Variants in KLHL11 observed in about 807,000 individuals in gnomAD.
The protein encoded by KLHL11 is kelch like family member 11.
KLHL11 carries 26 observed loss-of-function variants against 56.1 expected under a neutral mutation model. The ratio of observed to expected loss-of-function variants is 0.46; its 90% CI spans 0.34 to 0.64. The LOEUF is 0.64. Ranked by LOEUF, KLHL11 falls within the 30% of genes least tolerant of loss-of-function variation. KLHL11 has a pLI of 0.01. For missense variants in KLHL11, 627 were observed against 919.4 expected, an observed-to-expected ratio of 0.68 and a Z score of 4.11; for synonymous variants, 338 against 345.8, an observed-to-expected ratio of 0.98 and a Z score of 0.25.
Position 41,854,079 on chromosome 17 carries a change from G to A in KLHL11, c.1788C>T (p.Val596=), listed in dbSNP as rs142556293. The part of the protein sequence containing the change: ...DEILESLPPE[V]LSIEGAAICY... ...AAATGGCTGCTCCTTCGATGCTTAG[G>A]ACTTCTGGAGGCAAGCTTTCAAGGA... is the stretch of plus-strand genomic sequence containing the variant. Residue 596 remains valine, a synonymous_variant, in exon 2 of 2, where the codon GTC becomes GTT. Transcript: ENST00000319121. This position sits in a 1 kb window ranked among gnomAD's most constrained non-coding sequence, Gnocchi z 4.9. The A allele has an allele frequency of 7.1e-4, 1,146 of 1,614,180 alleles. No homozygotes were observed. Among genetic ancestry groups the A allele is most frequent in the Admixed American group, 1.6e-3 (96 of 60,018 alleles).
intron 1 of KLHL11, among the ~76,000 whole-genome samples, chr17:41,856,092 G>A (rs571999856): frequency 6.2e-4 from 94 of 151,814 alleles, no homozygotes; most frequent in African/African-American, 2.2e-3. Context: ...CCAGGCTCAT[G>A]CAATTCTCCT....
rs2048333118 is a variant in KLHL11 at position 41,851,734 on chromosome 17, C to T, written c.*2006G>A. On this transcript the variant is annotated 3_prime_UTR_variant, in exon 2 of 2. Transcript: ENST00000319121. ...CAGCCTCGGCAACATGGAGAAACCC[C>T]ATCTCTACCAAAAATACAAAAAAAA... Among the ~76,000 whole-genome samples the T allele has an allele frequency of 6.6e-6, 1 of 151,532 alleles. No individual in the cohort carries two copies. The highest frequency in any genetic ancestry group is 2.4e-5 in the African/African-American group (1 of 41,232).
rs1450923617 is a variant in KLHL11 at position 41,853,176 on chromosome 17, A to G, written c.*564T>C. 6.6e-6 allele frequency among the ~76,000 whole-genome samples: 1 copy of G among 152,246 alleles called. No individual in the cohort carries two copies. The highest frequency in any genetic ancestry group is 1.5e-5 in the Non-Finnish European group (1 of 68,044). On this transcript the variant is annotated 3_prime_UTR_variant, in exon 2 of 2. Transcript: ENST00000319121. ...TTCTCATCAGTCACATCTTCTAGGA[A>G]GGAAACTGGCATTTCTAGATAAACA...
At chr17:41,861,103 A>T (rs1327708241) in intron 1 of KLHL11, among the ~76,000 whole-genome samples, 4 of 152,198 alleles carry the variant, frequency 2.6e-5, no homozygotes, top group African/African-American at 9.7e-5. Flanking sequence ...AAGGTCTGAC[A>T]CTTTAAAGAT....
intron 1 of KLHL11, among the ~76,000 whole-genome samples, chr17:41,855,981 C>T (rs11871382): frequency 0.9 from 135,955 of 150,592 alleles, 61,485 homozygotes; most frequent in East Asian, 1. Flanking sequence ...CGGCCTACAC[C>T]ATCCCCCCCC....
chr17:41,861,125 T>G (rs544813897), intron 1 of KLHL11, among the ~76,000 whole-genome samples: 1 of 152,244 alleles, frequency 6.6e-6, no homozygotes, highest in Non-Finnish European at 1.5e-5. Flanking sequence ...TGACAGAAAC[T>G]TTTCCCACAG....
intron 1 of KLHL11, among the ~76,000 whole-genome samples, chr17:41,861,483 C>A (rs1463054868): frequency 6.6e-6 from 1 of 151,906 alleles, no homozygotes. Flanking sequence ...GTCAGGAGTT[C>A]GAGACCAGCC....
intron 1 of KLHL11, 60 bp from the exon 2 acceptor site, chr17:41,855,381 CT>C: frequency 7.6e-7 from 1 of 1,320,704 alleles, no homozygotes; most frequent in Non-Finnish European, 1.0e-6. Context: ...TATGTGGTTA[CT>C]TTTTTCTTTT....
Position 41,853,537 on chromosome 17 carries a change from G to T in KLHL11, c.*203C>A. ...AGCTAGCACAAACAAACAAACCAAA[G>T]ACAAAAATTGCAAGCTAACAAAATG... On this transcript the variant is annotated 3_prime_UTR_variant, in exon 2 of 2. Transcript: ENST00000319121. The T allele has an allele frequency of 1.9e-6, 1 of 536,068 alleles. No individual in the cohort carries two copies. Among genetic ancestry groups the T allele is most frequent in the Non-Finnish European group, 3.1e-6 (1 of 324,750 alleles). The allele number at this position is 536,068 out of a possible 1,614,324, so 33.2% of individuals were successfully genotyped here. A position where few individuals can be genotyped will look rare whatever the true frequency, so the allele number is the denominator to read the frequency against.
intron 1 of KLHL11, among the ~76,000 whole-genome samples, chr17:41,859,220 G>T (rs1326865935): frequency 2.0e-5 from 3 of 152,092 alleles, no homozygotes; most frequent in African/African-American, 7.2e-5. Context: ...AACATCTGAA[G>T]AAGCAGAAAA....
chr17:41,859,920 C>G (rs1307582540), intron 1 of KLHL11, among the ~76,000 whole-genome samples: 1 of 152,146 alleles, frequency 6.6e-6, no homozygotes, highest in Non-Finnish European at 1.5e-5. Context: ...TTTAAAAAGA[C>G]TAAGTCCCCA....
rs1474258008 is a variant in KLHL11 at position 41,851,884 on chromosome 17, CT to C, written c.*1855del. Among the ~76,000 whole-genome samples the C allele has an allele frequency of 2.6e-5, 4 of 151,354 alleles. No individual in the cohort carries two copies. The highest frequency in any genetic ancestry group is 2.1e-4 in the South Asian group (1 of 4,810). ...CGAGATCATACCACTGTACTCCAACCTGGGTGACAAAGTGGGACCCCATCCC... is the reference window on the plus strand; with the variant it reads ...CGAGATCATACCACTGTACTCCAACCGGGTGACAAAGTGGGACCCCATCCC... On this transcript the variant is annotated 3_prime_UTR_variant, in exon 2 of 2. Transcript: ENST00000319121.
rs144759750 is a variant in KLHL11, at chr17:41,860,403, G to A, written c.545+4423C>T. Among the ~76,000 whole-genome samples, 3 of 151,830 alleles carry A rather than the reference G, an allele frequency of 2.0e-5. No homozygotes were observed. The South Asian group carries it at 6.2e-4, about 32-fold the overall frequency. Reference sequence around the variant, plus strand: ...AGACATATGTACTTAGGGGTTTTGGGGGGGGTGGGGGCGGGTCCTGCCTCA... The same window carrying A: ...AGACATATGTACTTAGGGGTTTTGGAGGGGGTGGGGGCGGGTCCTGCCTCA... On this transcript the variant is annotated intron_variant, in intron 1 of 1. Transcript: ENST00000319121.
rs370006838 is a variant in KLHL11 at position 41,864,852 on chromosome 17, C to A, written c.519G>T (p.Val173=). The change falls in exon 1 of 2, where the codon GTG becomes GTT. Residue 173 remains valine, a synonymous_variant. Transcript: ENST00000319121. ...TGTCGGCCAACTCCAGCACCTCGTGCACGCTGCCCGTGCTGACGCGGATGC... is the reference window on the plus strand; with the variant it reads ...TGTCGGCCAACTCCAGCACCTCGTGAACGCTGCCCGTGCTGACGCGGATGC... ...TGRIRVSTGS[V]HEVLELADRF... 1 of 1,550,194 alleles carries A rather than the reference C, an allele frequency of 6.5e-7. No individual in the cohort carries two copies.
intron 1 of KLHL11, among the ~76,000 whole-genome samples, chr17:41,860,516 A>G (rs1212729384): frequency 6.6e-6 from 1 of 152,118 alleles, no homozygotes; most frequent in African/African-American, 2.4e-5. Context: ...TGACAGATGG[A>G]GAGAAGTTAA....
In KLHL11 at chr17:41,854,697, C is replaced by A; in HGVS notation, c.1170G>T (p.Leu390=). ...CATCGAGGTGATTATGAATATGTGG[C>A]AGATTTACCCATCTGTCCTCATCAA... ...YFVDEDRWVN[L]PHIHNHLDGH... is the part of the protein sequence containing the mutation. Residue 390 remains leucine, a synonymous_variant, in exon 2 of 2, where the codon CTG becomes CTT. Transcript: ENST00000319121. The surrounding 1 kb of genome is among the most constrained non-coding windows in gnomAD (Gnocchi z 4.9). 1 of 1,614,126 alleles carries A rather than the reference C, an allele frequency of 6.2e-7. No individual in the cohort carries two copies. The highest frequency in any genetic ancestry group is 8.5e-7 in the Non-Finnish European group (1 of 1,180,036).
rs1555622121 is a variant in KLHL11, at chr17:41,853,004, G to A, written c.*736C>T. On this transcript the variant is annotated 3_prime_UTR_variant, in exon 2 of 2. Coordinates refer to ENST00000319121, the MANE Select transcript of KLHL11 (RefSeq NM_018143.3). ...ATACTTTTCTTCTTAGAGAAACAAA[G>A]TTCACACATGTAACTTGCTCTGTAT... Among the ~76,000 whole-genome samples, 1 of 152,034 alleles carries A rather than the reference G, an allele frequency of 6.6e-6. No homozygotes were observed. The highest frequency in any genetic ancestry group is 6.6e-5 in the Admixed American group (1 of 15,258).
In KLHL11 at chr17:41,853,902, A is replaced by G; in HGVS notation, c.1965T>C (p.Thr655=). 1 of 1,614,224 alleles carries G rather than the reference A, an allele frequency of 6.2e-7. No individual in the cohort carries two copies. The highest frequency in any genetic ancestry group is 1.1e-5 in the South Asian group (1 of 91,088). The change falls in exon 2 of 2, where the codon ACT becomes ACC. Residue 655 remains threonine (T), a synonymous_variant. Coordinates refer to ENST00000319121, the MANE Select transcript of KLHL11 (RefSeq NM_018143.3). ...PPMPQPRCRA[T]ACHVRIPYRY... ...GGTATGGGATCCTCACGTGACAAGC[A>G]GTGGCTCTACAACGAGGTTGTGGCA...
Position 41,853,699 on chromosome 17 carries a change from G to A in KLHL11, c.*41C>T, listed in dbSNP as rs782684163. The stretch of plus-strand genomic sequence containing the variant: ...ACAGCCTGGGTATCTTCAGCTTCAC[G>A]AAACGGGTGTAACAGTTTTAATCGG... On this transcript the variant is annotated 3_prime_UTR_variant, in exon 2 of 2. Transcript: ENST00000319121. 5 of 1,549,226 alleles carry A rather than the reference G, an allele frequency of 3.2e-6. No homozygotes were observed. Among genetic ancestry groups the A allele is most frequent in the Non-Finnish European group, 4.4e-6 (5 of 1,147,380 alleles).
Sources: gnomAD v4.1 joint callset for allele counts (sites outside exome capture counted in the v4.1 genomes callset) on GRCh38, gnomAD v4.1.1 for gene constraint, Gnocchi (gnomAD v3.1) non-coding constraint, MANE v1.5 for transcripts, NCBI Gene and HGNC (gene_info 2026-07-23, HGNC 2026-07-21) for gene names.